ST3GAL1: variants seen among roughly 807,000 people sequenced by gnomAD.
ST3GAL1 encodes the protein CMP-N-acetylneuraminate-beta-galactosamide-alpha-2,3-sialyltransferase 1.
Under a neutral mutation model 34.1 loss-of-function variants are expected in ST3GAL1, and 16 were observed. The observed-to-expected ratio is 0.47, with a 90% CI of 0.32 to 0.71. The LOEUF (loss-of-function observed/expected upper bound fraction) is 0.71, where lower values mean the gene tolerates loss of function less well. ST3GAL1 is among the 30% of genes least tolerant of loss of function. The probability of loss-of-function intolerance (pLI) is 0.04; values close to 1 mark genes in which losing one functional copy is unlikely to be tolerated. For synonymous variants in ST3GAL1, 191 were observed against 184.7 expected (o/e 1.03, Z -0.28); for missense variants, 353 against 447.4 (o/e 0.79, Z 1.90).
chr8:133,468,039 A>G (rs1586588333), intron 5 of ST3GAL1, among the ~76,000 whole-genome samples: 1 of 152,182 alleles, frequency 6.6e-6, no homozygotes, highest in East Asian at 1.9e-4. Flanking sequence ...AAAACCGTGC[A>G]GCCGAGGTAA....
At chr8:133,536,256 T>C (rs1358574021) in intron 2 of ST3GAL1, among the ~76,000 whole-genome samples, 1 of 152,138 alleles carries the variant, frequency 6.6e-6, no homozygotes, top group Non-Finnish European at 1.5e-5. Context: ...GTGGTGAGCC[T>C]TGTCCTTTCT....
rs1377472980 is a variant in ST3GAL1, at chr8:133,508,841, T to A, written c.-428-9652A>T. ...ACAAAACAGTGCAGATAATGGTAAATGCTTTTGCACAAAACCCCATAAGAC... is the reference window on the plus strand; with the variant it reads ...ACAAAACAGTGCAGATAATGGTAAAAGCTTTTGCACAAAACCCCATAAGAC... On this transcript the variant is annotated intron_variant, in intron 2 of 9. Transcript: ENST00000522652. This position sits in a 1 kb window ranked among gnomAD's most constrained non-coding sequence, Gnocchi z 4.1. 6.6e-6 allele frequency among the ~76,000 whole-genome samples: 1 copy of A among 152,108 alleles called. No individual in the cohort carries two copies. The highest frequency in any genetic ancestry group is 1.5e-5 in the Non-Finnish European group (1 of 68,030).
At chr8:133,464,329 A>G (rs1288601475) in intron 7 of ST3GAL1, among the ~76,000 whole-genome samples, 1 of 152,150 alleles carries the variant, frequency 6.6e-6, no homozygotes, top group Non-Finnish European at 1.5e-5. Flanking sequence ...GTTGCTCAGC[A>G]CTGCTTGCCC....
chr8:133,557,019 C>T (rs560462968), intron 1 of ST3GAL1, among the ~76,000 whole-genome samples: 2 of 152,174 alleles, frequency 1.3e-5, no homozygotes, highest in Non-Finnish European at 2.9e-5. Context: ...CCCAACCTGA[C>T]CCTCCCAACC....
intron 2 of ST3GAL1, among the ~76,000 whole-genome samples, chr8:133,514,053 G>A (rs1817574333): frequency 6.6e-6 from 1 of 152,130 alleles, no homozygotes; most frequent in South Asian, 2.1e-4. Context: ...AAGAGCTCTT[G>A]CAAAAACGAT....
rs1230311851 is a variant in ST3GAL1 at position 133,540,880 on chromosome 8, G to GAGACATATATATAGACATATATAT, written c.-429+4870_-429+4893dup. 7.8e-4 allele frequency among the ~76,000 whole-genome samples: 35 copies of GAGACATATATATAGACATATATAT among 45,050 alleles called. 1 individual carries two copies. Among genetic ancestry groups the GAGACATATATATAGACATATATAT allele is most frequent in the African/African-American group, 2.7e-3 (22 of 8,278 alleles). 29.6% of individuals were successfully genotyped at this position (45,050 alleles called of 152,430 possible). On this transcript the variant is annotated intron_variant, in intron 2 of 9. Coordinates refer to ENST00000522652, the MANE Select transcript of ST3GAL1 (RefSeq NM_173344.3). ...ACATATATATAGAGACATATATATA[G>GAGACATATATATAGACATATATAT]AGACATATATATAGACATATATATA...
chr8:133,490,608 G>C (rs1206081291), intron 3 of ST3GAL1, among the ~76,000 whole-genome samples: 3 of 152,218 alleles, frequency 2.0e-5, no homozygotes, highest in African/African-American at 7.2e-5. Flanking sequence ...GGGCAGAGGG[G>C]GAGGGTAAAC....
intron 5 of ST3GAL1, among the ~76,000 whole-genome samples, chr8:133,471,363 G>A (rs61641617): frequency 2.0e-5 from 3 of 152,094 alleles, no homozygotes; most frequent in Non-Finnish European, 4.4e-5. Flanking sequence ...GGTTAGCGCC[G>A]GGACAGGCGG....
chr8:133,535,982 A>AT (rs1818299977), intron 2 of ST3GAL1, among the ~76,000 whole-genome samples: 1 of 152,134 alleles, frequency 6.6e-6, no homozygotes, highest in Admixed American at 6.6e-5. Context: ...CAAGCCTGAA[A>AT]TATCTCCACA....
chr8:133,505,951 T>G (rs1195136518), intron 2 of ST3GAL1, among the ~76,000 whole-genome samples: 1 of 152,212 alleles, frequency 6.6e-6, no homozygotes, highest in Non-Finnish European at 1.5e-5. Context: ...AGTCCTCAGT[T>G]GCACTCATTA....
intron 2 of ST3GAL1, among the ~76,000 whole-genome samples, chr8:133,517,211 G>C (rs955835759): frequency 6.6e-6 from 1 of 152,224 alleles, no homozygotes; most frequent in Non-Finnish European, 1.5e-5. Context: ...GGATTCTGCT[G>C]TTCCAAGCTA....
intron 3 of ST3GAL1, among the ~76,000 whole-genome samples, chr8:133,480,551 C>G (rs576646667): frequency 6.6e-6 from 1 of 152,140 alleles, no homozygotes; most frequent in Non-Finnish European, 1.5e-5. Flanking sequence ...GCAAAATTGA[C>G]GCTTTCAATA....
chr8:133,515,409 G>C (rs1817614221), intron 2 of ST3GAL1: 1 of 152,192 alleles, frequency 6.6e-6, no homozygotes, highest in South Asian at 2.1e-4. Context: ...TGGGTCATGG[G>C]GAGCAAATCT....
At chr8:133,460,066 C>T (rs1188461201) in intron 9 of ST3GAL1, 129 bp from the exon 10 acceptor site, 2 of 981,942 alleles carry the variant, frequency 2.0e-6, no homozygotes, top group Non-Finnish European at 2.9e-6. Flanking sequence ...CTCTGACTAA[C>T]CCTTCATTAA....
intron 1 of ST3GAL1, among the ~76,000 whole-genome samples, chr8:133,555,545 G>A (rs1297682236): frequency 6.6e-6 from 1 of 151,966 alleles, no homozygotes; most frequent in Admixed American, 6.6e-5. Flanking sequence ...TGGGCCACAT[G>A]GTTTTCCTAA....
chr8:133,458,881 CTTTTCT>C lies in ST3GAL1; in HGVS notation c.*877_*882del, dbSNP rs1313958045. The C allele has an allele frequency of 6.9e-6, 1 of 145,132 alleles. No individual in the cohort carries two copies. Among genetic ancestry groups the C allele is most frequent in the Non-Finnish European group, 1.5e-5 (1 of 66,522 alleles). The allele number at this position is 145,132 out of a possible 1,614,324, so 9.0% of individuals were successfully genotyped here. On this transcript the variant is annotated 3_prime_UTR_variant, in exon 10 of 10. Transcript: ENST00000522652. Reference sequence around the variant, plus strand: ...CGGTGCCAAGTTTGGGGTTTTTTTTCTTTTCTTTTTTTTTTTTTTTCAGAGACAGGG... The same window carrying C: ...CGGTGCCAAGTTTGGGGTTTTTTTTCTTTTTTTTTTTTTTCAGAGACAGGG...
At chr8:133,477,685 G>A (rs553910949) in intron 3 of ST3GAL1, among the ~76,000 whole-genome samples, 1 of 151,984 alleles carries the variant, frequency 6.6e-6, no homozygotes, top group Non-Finnish European at 1.5e-5. Flanking sequence ...AATGCCCATC[G>A]GAGACCCCTC....
At chr8:133,548,861 T>A (rs542327408) in intron 1 of ST3GAL1, among the ~76,000 whole-genome samples, 5 of 152,302 alleles carry the variant, frequency 3.3e-5, no homozygotes, top group South Asian at 4.1e-4. Context: ...CCACTGGCTA[T>A]CATATGGGTG....
chr8:133,503,733 T>C lies in ST3GAL1; in HGVS notation c.-428-4544A>G, dbSNP rs57919829. Among the ~76,000 whole-genome samples, 602 of 152,268 alleles carry C rather than the reference T, an allele frequency of 4.0e-3. 3 individuals carry two copies. The highest frequency in any genetic ancestry group is 0.014 in the African/African-American group (585 of 41,534). On this transcript the variant is annotated intron_variant, in intron 2 of 9. Transcript: ENST00000522652. ...TATCTCCAGATGTAGTGAAAGCAGGTACATGTCAAGTATATGGAACTACAT... is the reference window on the plus strand; with the variant it reads ...TATCTCCAGATGTAGTGAAAGCAGGCACATGTCAAGTATATGGAACTACAT...
Sources: gnomAD v4.1 joint callset for allele counts (sites outside exome capture counted in the v4.1 genomes callset) on GRCh38, gnomAD v4.1.1 for gene constraint, Gnocchi (gnomAD v3.1) non-coding constraint, MANE v1.5 for transcripts, NCBI Gene and HGNC (gene_info 2026-07-23, HGNC 2026-07-21) for gene names.